CMIP: variants seen among roughly 807,000 people sequenced by gnomAD.
CMIP encodes the protein c-Maf inducing protein, also known as C-Maf-inducing protein.
CMIP carries 13 observed loss-of-function variants against 97.3 expected under a neutral mutation model. The observed-to-expected ratio is 0.13, with a 90% CI of 0.09 to 0.21. The LOEUF (loss-of-function observed/expected upper bound fraction) is 0.21. Among genes scored for constraint, CMIP ranks in the 10% least tolerant of loss-of-function variants. The pLI is 1.00. For missense variants in CMIP, 847 were observed against 1,024.9 expected (o/e 0.83, Z 2.37); for synonymous variants, 538 against 436.3 (o/e 1.23, Z -2.91).
intron 1 of CMIP, among the ~76,000 whole-genome samples, chr16:81,547,269 C>T (rs2090565765): frequency 6.6e-6 from 1 of 152,134 alleles, no homozygotes; most frequent in Non-Finnish European, 1.5e-5. Context: ...GGTCGTAGAC[C>T]ATGTCATGTT....
rs9972630 is a variant in CMIP, at chr16:81,595,392, T to C, written c.301-12175T>C. Among the ~76,000 whole-genome samples, 1,266 of 151,242 alleles carry C rather than the reference T, an allele frequency of 8.4e-3. 17 individuals carry two copies. Among genetic ancestry groups the C allele is most frequent in the African/African-American group, 0.028 (1,165 of 41,234 alleles). On this transcript the variant is annotated intron_variant, in intron 1 of 20. Transcript: ENST00000537098. ...AATACTTTCTTTCCTTCTTTCTTTT[T>C]TTTTTTTTTTTTCTGAGACAGAGTC...
At position 81,652,963 on chromosome 16, in the gene CMIP, C is replaced by T. The variant is rs562841513; in HGVS notation, c.639+599C>T. On this transcript the variant is annotated intron_variant, in intron 4 of 20. Transcript: ENST00000537098. This position sits in a 1 kb window ranked among gnomAD's most constrained non-coding sequence, Gnocchi z 5.2. The stretch of plus-strand genomic sequence containing the variant: ...GGGAATTCAAGCAAAGACAAGCCCC[C>T]TACCCCCCTGGAGCTTGTGTCCCGG... Among the ~76,000 whole-genome samples, 167 of 152,296 alleles carry T rather than the reference C, an allele frequency of 1.1e-3. 1 individual carries two copies. The highest frequency in any genetic ancestry group is 3.9e-3 in the African/African-American group (162 of 41,562).
intron 1 of CMIP, among the ~76,000 whole-genome samples, chr16:81,541,111 T>C (rs2090441791): frequency 6.6e-6 from 1 of 152,128 alleles, no homozygotes; most frequent in Non-Finnish European, 1.5e-5. Context: ...AGTATATTAT[T>C]CTTGTGAAAA....
intron 1 of CMIP, among the ~76,000 whole-genome samples, chr16:81,495,800 C>A (rs746750474): frequency 1.3e-5 from 2 of 152,240 alleles, no homozygotes; most frequent in African/African-American, 4.8e-5. Context: ...CCTGGGGCAT[C>A]TGCTGGCCTC....
intron 1 of CMIP, among the ~76,000 whole-genome samples, chr16:81,502,588 G>C (rs887697884): frequency 1.3e-5 from 2 of 152,186 alleles, no homozygotes; most frequent in African/African-American, 4.8e-5. Flanking sequence ...GGCTGGGCGA[G>C]GATGGGGAGG....
intron 1 of CMIP, among the ~76,000 whole-genome samples, chr16:81,510,306 A>G (rs2089786579): frequency 1.3e-5 from 2 of 152,166 alleles, no homozygotes; most frequent in Non-Finnish European, 2.9e-5. Context: ...CCCAAGTGGG[A>G]CCATGATGGC....
chr16:81,538,151 C>T (rs902811719), intron 1 of CMIP, among the ~76,000 whole-genome samples: 2 of 152,158 alleles, frequency 1.3e-5, no homozygotes, highest in Non-Finnish European at 2.9e-5. Context: ...GAGGCTCAGG[C>T]AAGTAAAATG....
chr16:81,650,760 G>T (rs1258575553), intron 3 of CMIP, among the ~76,000 whole-genome samples: 3 of 152,136 alleles, frequency 2.0e-5, no homozygotes, highest in Admixed American at 2.0e-4. Flanking sequence ...GGTCCAGGAT[G>T]GGTCAGGGTT....
intron 1 of CMIP, among the ~76,000 whole-genome samples, chr16:81,549,572 C>G (rs189244783): frequency 6.6e-6 from 1 of 152,110 alleles, no homozygotes; most frequent in Non-Finnish European, 1.5e-5. Flanking sequence ...ATTGAAGAAG[C>G]GGCCCTGAGT....
In CMIP at chr16:81,707,109, C is replaced by T. The variant is rs904285597; in HGVS notation, c.2268+25C>T. On this transcript the variant is annotated intron_variant, in intron 20 of 20. Coordinates refer to ENST00000537098, the MANE Select transcript of CMIP (RefSeq NM_198390.3). Reference sequence around the variant, plus strand: ...GGTAATTCCCTCCTTCCTCCCCACTCTCCTCCCCTCCTTCTTCTAGCCAGC... The same window carrying T: ...GGTAATTCCCTCCTTCCTCCCCACTTTCCTCCCCTCCTTCTTCTAGCCAGC... 8 of 1,592,026 alleles carry T rather than the reference C, an allele frequency of 5.0e-6. No homozygotes were observed. The African/African-American group carries it at 5.4e-5, about 11-fold the overall frequency.
intron 1 of CMIP, among the ~76,000 whole-genome samples, chr16:81,530,841 C>T (rs547377601): frequency 1.8e-4 from 28 of 152,310 alleles, no homozygotes; most frequent in African/African-American, 6.3e-4. Flanking sequence ...ATCAGTTCAG[C>T]TTCTTCTGCA....
intron 1 of CMIP, among the ~76,000 whole-genome samples, chr16:81,589,525 C>G (rs1474423416): frequency 6.7e-6 from 1 of 149,252 alleles, no homozygotes; most frequent in African/African-American, 2.5e-5. Flanking sequence ...TGCTTATGGG[C>G]AGGGCCAGGT....
chr16:81,506,167 G>T (rs77383633), intron 1 of CMIP, among the ~76,000 whole-genome samples: 1 of 152,122 alleles, frequency 6.6e-6, no homozygotes, highest in African/African-American at 2.4e-5. Context: ...ACCAAGGCTC[G>T]GAGAGGTTAA....
chr16:81,645,482 G>C (rs1318169321), intron 3 of CMIP: 2 of 1,533,672 alleles, frequency 1.3e-6, no homozygotes, highest in Non-Finnish European at 1.7e-6. Context: ...GCACATTCCT[G>C]CTGACGACTT....
intron 3 of CMIP, among the ~76,000 whole-genome samples, chr16:81,625,311 C>T (rs570116819): frequency 7.9e-5 from 12 of 152,364 alleles, no homozygotes; most frequent in African/African-American, 2.9e-4. Context: ...GGAGGCCAGC[C>T]CTGTTTGGTT....
At chr16:81,483,598 T>TGCC (rs61481166) in intron 1 of CMIP, among the ~76,000 whole-genome samples, 19 of 145,670 alleles carry the variant, frequency 1.3e-4, no homozygotes, top group African/African-American at 4.9e-4. Context: ...CCTCTTCCTC[T>TGCC]TCCTCTCCCT....
chr16:81,471,618 C>T (rs368169848), intron 1 of CMIP, among the ~76,000 whole-genome samples: 1 of 152,180 alleles, frequency 6.6e-6, no homozygotes, highest in Non-Finnish European at 1.5e-5. Flanking sequence ...CACTCTCATC[C>T]TTGGGGGATA....
chr16:81,659,772 G>A (rs1242644795), intron 5 of CMIP, among the ~76,000 whole-genome samples: 1 of 152,178 alleles, frequency 6.6e-6, no homozygotes, highest in Admixed American at 6.5e-5. Context: ...CCCTTAATTG[G>A]GTCAGGTTGA....
chr16:81,527,235 G>C (rs1180527150), intron 1 of CMIP, among the ~76,000 whole-genome samples: 1 of 152,198 alleles, frequency 6.6e-6, no homozygotes, highest in Admixed American at 6.5e-5. Context: ...TGGCTTGGCC[G>C]GGAGCCCACG....
Sources: gnomAD v4.1 joint callset for allele counts (sites outside exome capture counted in the v4.1 genomes callset) on GRCh38, gnomAD v4.1.1 for gene constraint, Gnocchi (gnomAD v3.1) non-coding constraint, MANE v1.5 for transcripts, NCBI Gene and HGNC (gene_info 2026-07-23, HGNC 2026-07-21) for gene names.